The following CD300LG variants were observed in gnomAD, a reference collection of about 807,000 sequenced individuals.
CD300LG encodes the protein CMRF35-like molecule 9.
In CD300LG, 29 loss-of-function variants were observed where a neutral mutation model predicts 31.5. That is an observed-to-expected ratio of 0.92 (90% CI 0.68 to 1.25). The LOEUF is 1.25. CD300LG is among the 50% of genes most tolerant of loss of function. The pLI is 0.00. For missense variants in CD300LG, 396 were observed against 417.6 expected, an observed-to-expected ratio of 0.95 and a Z score of 0.45; for synonymous variants, 175 against 177.2, an observed-to-expected ratio of 0.99 and a Z score of 0.10.
Position 43,853,066 on chromosome 17 carries a change from G to T in CD300LG, c.481+53G>T, listed in dbSNP as rs2046407630. ...CCTTGCCACCCTTCTTACAGAAGCA[G>T]CCAGTGAGTGCCTGCCTGGTACCAG... On this transcript the variant is annotated intron_variant, in intron 3 of 6. Transcript: ENST00000317310. 2.8e-6 allele frequency: 4 copies of T among 1,433,994 alleles called. No individual in the cohort carries two copies. The South Asian group carries it at 4.8e-5, about 17-fold the overall frequency. 88.8% of individuals were successfully genotyped at this position (1,433,994 alleles called of 1,614,324 possible).
rs770906096 is a variant in CD300LG at position 43,862,573 on chromosome 17, G to C, written c.*662G>C. On this transcript the variant is annotated 3_prime_UTR_variant, in exon 7 of 7. Coordinates refer to ENST00000317310, the MANE Select transcript of CD300LG (RefSeq NM_145273.4). Reference sequence around the variant, plus strand: ...TTGAGGGCCAGTGGGCCTGATGAACGCTCAGACCCCTCCAGCTTAGAGTCT... The same window carrying C: ...TTGAGGGCCAGTGGGCCTGATGAACCCTCAGACCCCTCCAGCTTAGAGTCT... 1.3e-5 allele frequency: 2 copies of C among 152,200 alleles called. No homozygotes were observed. Among genetic ancestry groups the C allele is most frequent in the Non-Finnish European group, 2.9e-5 (2 of 68,080 alleles). The allele number at this position is 152,200 out of a possible 1,614,324, so 9.4% of individuals were successfully genotyped here.
At chr17:43,856,082 C>T (rs189032845) in intron 5 of CD300LG, among the ~76,000 whole-genome samples, 2 of 152,306 alleles carry the variant, frequency 1.3e-5, no homozygotes, top group East Asian at 1.9e-4. Flanking sequence ...ACTAGGACTA[C>T]AGGCATGAGC....
Position 43,861,958 on chromosome 17 carries a change from G to T in CD300LG, c.*47G>T. 1.4e-6 allele frequency: 2 copies of T among 1,395,446 alleles called. No individual in the cohort carries two copies. The highest frequency in any genetic ancestry group is 2.0e-6 in the Non-Finnish European group (2 of 1,019,572). The allele number at this position is 1,395,446 out of a possible 1,614,324, so 86.4% of individuals were successfully genotyped here. A position where few individuals can be genotyped will look rare whatever the true frequency, so the allele number is the denominator to read the frequency against. On this transcript the variant is annotated 3_prime_UTR_variant, in exon 7 of 7. Coordinates refer to ENST00000317310, the MANE Select transcript of CD300LG (RefSeq NM_145273.4). The stretch of plus-strand genomic sequence containing the variant: ...GGCCAGCAGTGAAGCAGTATGGCTG[G>T]CTGGATCAGCACCGATTCCCGAAAG...
intron 6 of CD300LG, chr17:43,858,027 A>AGCCCCTACTG: frequency 6.9e-7 from 1 of 1,451,476 alleles, no homozygotes; most frequent in Middle Eastern, 2.5e-4. Context: ...AGGCAACAGA[A>AGCCCCTACTG]GCCCCTCCTG....
Position 43,847,280 on chromosome 17 carries a change from C to T in CD300LG, c.43+21C>T, listed in dbSNP as rs776428585. The T allele has an allele frequency of 5.7e-6, 9 of 1,592,602 alleles. No individual in the cohort carries two copies. In the South Asian group the frequency reaches 6.6e-5, roughly 12 times the overall value. On this transcript the variant is annotated intron_variant, in intron 1 of 6. Transcript: ENST00000317310. ...CCCAGGTGAGATGGGGAGAGGGTCTCGGGAGGGATGTGGGGCTCACCCTTG... is the reference window on the plus strand; with the variant it reads ...CCCAGGTGAGATGGGGAGAGGGTCTTGGGAGGGATGTGGGGCTCACCCTTG...
chr17:43,853,452 G>A (rs1455420227), intron 3 of CD300LG, among the ~76,000 whole-genome samples: 1 of 152,152 alleles, frequency 6.6e-6, no homozygotes, highest in Non-Finnish European at 1.5e-5. Flanking sequence ...GGAAGGAGGT[G>A]ACAATTGACT....
chr17:43,855,258 C>A lies in CD300LG; in HGVS notation c.771C>A (p.Ser257Arg). 1 of 1,610,238 alleles carries A rather than the reference C, an allele frequency of 6.2e-7. No homozygotes were observed. The highest frequency in any genetic ancestry group is 8.5e-7 in the Non-Finnish European group (1 of 1,178,892). Reference protein sequence around the residue: ...RILAPVLVLLSLLSAAGLIAF... With the variant: ...RILAPVLVLLRLLSAAGLIAF... ...TGGCCCCAGTCCTGGTGCTGCTGAG[C>A]CTTCTGTCAGCCGCAGGCCTGATCG... Residue 257 changes from serine (S) to arginine (R), a missense_variant, in exon 5 of 7, where the codon AGC becomes AGA. Coordinates refer to ENST00000317310, the MANE Select transcript of CD300LG (RefSeq NM_145273.4).
intron 6 of CD300LG, chr17:43,857,706 G>A (rs928833947): frequency 1.4e-6 from 2 of 1,395,946 alleles, no homozygotes; most frequent in Non-Finnish European, 2.0e-6. Flanking sequence ...GAGGGTAAAG[G>A]TCTTGCCCAT....
chr17:43,859,291 C>T (rs548088183), intron 6 of CD300LG, among the ~76,000 whole-genome samples: 1 of 152,224 alleles, frequency 6.6e-6, no homozygotes, highest in East Asian at 1.9e-4. Context: ...GAACTCAGCC[C>T]TGGCTTCCCA....
intron 6 of CD300LG, among the ~76,000 whole-genome samples, chr17:43,860,946 C>T (rs1478428025): frequency 6.6e-6 from 1 of 152,154 alleles, no homozygotes; most frequent in Non-Finnish European, 1.5e-5. Flanking sequence ...GACAGCTTGT[C>T]CTTCCTTGGA....
At chr17:43,856,679 C>T (rs957202865) in intron 5 of CD300LG, among the ~76,000 whole-genome samples, 2 of 152,200 alleles carry the variant, frequency 1.3e-5, no homozygotes, top group Admixed American at 1.3e-4. Flanking sequence ...AGCCACTTAG[C>T]ACCTTGCATC....
chr17:43,850,083 A>G (rs1285080549), intron 2 of CD300LG, among the ~76,000 whole-genome samples: 1 of 152,220 alleles, frequency 6.6e-6, no homozygotes, highest in Non-Finnish European at 1.5e-5. Context: ...GTATTGCTAT[A>G]TTATCGTCCT....
Position 43,849,246 on chromosome 17 carries a change from C to G in CD300LG, c.379+353C>G, listed in dbSNP as rs2046280323. Reference sequence around the variant, plus strand: ...TCAGGGGATAAAGAAGACTCCTCGCCTGGTGTCAGAGATATTCCTGAGGCC... The same window carrying G: ...TCAGGGGATAAAGAAGACTCCTCGCGTGGTGTCAGAGATATTCCTGAGGCC... On this transcript the variant is annotated intron_variant, in intron 2 of 6. Coordinates refer to ENST00000317310, the MANE Select transcript of CD300LG (RefSeq NM_145273.4). 3 of 422,436 alleles carry G rather than the reference C, an allele frequency of 7.1e-6. No individual in the cohort carries two copies. In the East Asian group the frequency reaches 1.0e-4, roughly 15 times the overall value. The allele number at this position is 422,436 out of a possible 1,614,324, so 26.2% of individuals were successfully genotyped here. A position where few individuals can be genotyped will look rare whatever the true frequency, so the allele number is the denominator to read the frequency against.
At chr17:43,857,726 G>A (rs2046566266) in intron 6 of CD300LG, 16 of 1,483,674 alleles carry the variant, frequency 1.1e-5, no homozygotes, top group Non-Finnish European at 1.4e-5. Flanking sequence ...TGGTCACACA[G>A]CAGGTGGTGG....
At chr17:43,861,187 C>A (rs2046646167) in intron 6 of CD300LG, 1 of 985,288 alleles carries the variant, frequency 1.0e-6, no homozygotes, top group African/African-American at 1.7e-5. Flanking sequence ...TTGCAGGGCC[C>A]ATGGGGTCTC....
intron 5 of CD300LG, 138 bp from the exon 6 acceptor site, chr17:43,856,966 C>T: frequency 1.3e-6 from 1 of 757,298 alleles, no homozygotes; most frequent in Non-Finnish European, 2.3e-6. Flanking sequence ...GGCTCCTCTG[C>T]CCATCTGGCT....
At chr17:43,848,128 G>A (rs2046237805) in intron 1 of CD300LG, among the ~76,000 whole-genome samples, 2 of 152,110 alleles carry the variant, frequency 1.3e-5, no homozygotes, top group Admixed American at 1.3e-4. Flanking sequence ...TGTAGTCCCA[G>A]GTACTCAGGA....
chr17:43,858,022 A>G (rs903162014), intron 6 of CD300LG: 1 of 1,454,240 alleles, frequency 6.9e-7, no homozygotes, highest in Non-Finnish European at 9.0e-7. Flanking sequence ...ACTTCAGGCA[A>G]CAGAAGCCCC....
At chr17:43,854,998 G>C (rs73985464) in intron 4 of CD300LG, among the ~76,000 whole-genome samples, 1 of 152,014 alleles carries the variant, frequency 6.6e-6, no homozygotes, top group Non-Finnish European at 1.5e-5. Flanking sequence ...GCCTGGCTCC[G>C]GGGTCTGCGC....
Sources: allele counts gnomAD v4.1 joint callset (sites outside exome capture counted in the v4.1 genomes callset), GRCh38; gene constraint gnomAD v4.1.1; transcripts MANE v1.5; gene names NCBI Gene and HGNC (gene_info 2026-07-23, HGNC 2026-07-21).